TMPRSS4: variants seen among roughly 807,000 people sequenced by gnomAD.
The protein encoded by TMPRSS4 is transmembrane serine protease 4.
TMPRSS4 carries 45 observed loss-of-function variants against 56.4 expected under a neutral mutation model. The observed-to-expected ratio is 0.80, with a 90% CI of 0.63 to 1.02. The LOEUF is 1.02. Among genes scored for constraint, TMPRSS4 ranks in the 50% least tolerant of loss-of-function variants. TMPRSS4 has a pLI of 0.00. For missense variants in TMPRSS4, 546 were observed against 556.7 expected (o/e 0.98, Z 0.19); for synonymous variants, 205 against 211.0 (o/e 0.97, Z 0.25).
At chr11:118,117,234 G>C (rs983836421) in intron 11 of TMPRSS4, 71 bp from the exon 12 acceptor site, 19 of 1,512,664 alleles carry the variant, frequency 1.3e-5, no homozygotes, top group Non-Finnish European at 1.6e-5. Context: ...GGCCAGTTCA[G>C]GGAGCAGAGA....
At chr11:118,078,013 CAAAAAAAAAAAAAAAAAA>C (rs148383275) in intron 1 of TMPRSS4, among the ~76,000 whole-genome samples, 2 of 71,050 alleles carry the variant, frequency 2.8e-5, no homozygotes, top group Non-Finnish European at 5.0e-5. Flanking sequence ...AACTCCGTCT[CAAAAAAAAAAAAAAAAAA>C]AAAAAAAAAA....
rs1020119533 is a variant in TMPRSS4 at position 118,100,504 on chromosome 11, C to T, written c.157+1406C>T. On this transcript the variant is annotated intron_variant, in intron 3 of 12. Coordinates refer to ENST00000437212, the MANE Select transcript of TMPRSS4 (RefSeq NM_019894.4). ...CAGGGACAAAGCTGCGACAGAACCC[C>T]GGTCCCCTGATTGAACAGGTCCATT... Among the ~76,000 whole-genome samples the T allele has an allele frequency of 4.6e-5, 7 of 152,142 alleles. No individual in the cohort carries two copies. In the South Asian group the frequency reaches 6.2e-4, roughly 14 times the overall value.
chr11:118,091,796 T>C (rs995767211), intron 1 of TMPRSS4, among the ~76,000 whole-genome samples: 2 of 152,156 alleles, frequency 1.3e-5, no homozygotes, highest in African/African-American at 4.8e-5. Context: ...GCCAGTTGGG[T>C]GTGAATTACT....
chr11:118,095,677 C>A (rs144656574), intron 2 of TMPRSS4, among the ~76,000 whole-genome samples: 1 of 152,128 alleles, frequency 6.6e-6, no homozygotes, highest in Admixed American at 6.5e-5. Context: ...GCTCGAGGAC[C>A]AGGGAGTGAA....
rs922425446 is a variant in TMPRSS4, at chr11:118,104,894, T to C, written c.440+74T>C. The C allele has an allele frequency of 3.3e-5, 47 of 1,440,582 alleles. No individual in the cohort carries two copies. The African/African-American group carries it at 6.8e-4, about 21-fold the overall frequency. 89.2% of individuals were successfully genotyped at this position (1,440,582 alleles called of 1,614,324 possible). On this transcript the variant is annotated intron_variant, in intron 5 of 12. Transcript: ENST00000437212. ...TCTTCCTCCTTTCCTTCCTCCCTTC[T>C]TCTCTCTTTCCTAAAAATTACGGGC... is the stretch of plus-strand genomic sequence containing the variant.
intron 1 of TMPRSS4, among the ~76,000 whole-genome samples, chr11:118,093,535 T>A (rs1169916074): frequency 1.3e-5 from 2 of 152,198 alleles, no homozygotes; most frequent in Non-Finnish European, 2.9e-5. Flanking sequence ...GGCTCCTCCA[T>A]GTGACTCTGT....
intron 1 of TMPRSS4, among the ~76,000 whole-genome samples, chr11:118,084,790 C>G (rs986405321): frequency 6.6e-6 from 1 of 152,244 alleles, no homozygotes. Flanking sequence ...AAGTCATATT[C>G]TCCCCATTTT....
intron 1 of TMPRSS4, among the ~76,000 whole-genome samples, chr11:118,079,671 C>G (rs117845402): frequency 0.016 from 2,484 of 152,338 alleles, 101 homozygotes; most frequent in East Asian, 0.11. Context: ...CTGGAGGAAG[C>G]TGGTCCTCCC....
rs1037577394 is a variant in TMPRSS4 at position 118,119,857 on chromosome 11, T to C, written c.*1944T>C. ...CACATTTTAAAATCATGTTTAACTG[T>C]GGTCAAATGCACATAACACAAGTTG... is the stretch of plus-strand genomic sequence containing the variant. On this transcript the variant is annotated 3_prime_UTR_variant, in exon 13 of 13. Coordinates refer to ENST00000437212, the MANE Select transcript of TMPRSS4 (RefSeq NM_019894.4). The C allele has an allele frequency of 2.0e-5, 3 of 152,234 alleles. No homozygotes were observed. Among genetic ancestry groups the C allele is most frequent in the African/African-American group, 7.2e-5 (3 of 41,456 alleles). 9.4% of individuals were successfully genotyped at this position (152,234 alleles called of 1,614,324 possible). A position where few individuals can be genotyped will look rare whatever the true frequency, so the allele number is the denominator to read the frequency against.
intron 1 of TMPRSS4, among the ~76,000 whole-genome samples, chr11:118,092,621 T>C (rs1284373063): frequency 4.6e-5 from 7 of 152,228 alleles, no homozygotes. Context: ...TCCTAAACCA[T>C]AATTTCTAAT....
chr11:118,097,083 C>G (rs9651685), intron 2 of TMPRSS4, among the ~76,000 whole-genome samples: 1 of 137,476 alleles, frequency 7.3e-6, no homozygotes, highest in African/African-American at 2.8e-5. Flanking sequence ...GTAGAAGGGA[C>G]GTACTTAAGA....
intron 1 of TMPRSS4, among the ~76,000 whole-genome samples, chr11:118,079,063 G>T (rs1192389954): frequency 6.6e-6 from 1 of 152,136 alleles, no homozygotes; most frequent in Non-Finnish European, 1.5e-5. Context: ...GAGCGGGGGA[G>T]GGCAGGTGGG....
chr11:118,101,012 T>C (rs1946703747), intron 3 of TMPRSS4, among the ~76,000 whole-genome samples: 1 of 152,130 alleles, frequency 6.6e-6, no homozygotes, highest in South Asian at 2.1e-4. Flanking sequence ...TTACCCTGGC[T>C]CCTGATTATA....
At chr11:118,105,133 T>A (rs74403212) in intron 5 of TMPRSS4, among the ~76,000 whole-genome samples, 1,731 of 152,312 alleles carry the variant, frequency 0.011, 26 homozygotes, top group African/African-American at 0.039. Flanking sequence ...TCCTTTCCTT[T>A]ACTCCTCAAC....
chr11:118,103,392 G>GTTTGTTTGT, intron 4 of TMPRSS4, 139 bp downstream of exon 4: 7 of 1,154,612 alleles, frequency 6.1e-6, no homozygotes, highest in Admixed American at 2.9e-5. Context: ...TTGTTTGTTT[G>GTTTGTTTGT]TTGTTGTTTT....
At chr11:118,096,923 G>GAGAGA (rs1491244125) in intron 2 of TMPRSS4, among the ~76,000 whole-genome samples, 2 of 19,096 alleles carry the variant, frequency 1.0e-4, no homozygotes, top group African/African-American at 3.0e-4. Flanking sequence ...GAGAGAGAAA[G>GAGAGA]GAAAGAAAGA....
intron 1 of TMPRSS4, among the ~76,000 whole-genome samples, chr11:118,090,264 T>C (rs912757785): frequency 6.6e-6 from 1 of 152,258 alleles, no homozygotes; most frequent in Non-Finnish European, 1.5e-5. Flanking sequence ...CAAACTGAGA[T>C]ATTTTCATTA....
At chr11:118,107,509 G>A (rs1947053850) in intron 5 of TMPRSS4, 2 of 343,468 alleles carry the variant, frequency 5.8e-6, no homozygotes, top group African/African-American at 4.1e-5. Context: ...CAGGGCTCTG[G>A]GTTCTGGATT....
At chr11:118,078,089 T>G (rs1049019815) in intron 1 of TMPRSS4, among the ~76,000 whole-genome samples, 7 of 147,282 alleles carry the variant, frequency 4.8e-5, no homozygotes, top group African/African-American at 1.7e-4. Flanking sequence ...CCAAACAATC[T>G]AGGGTGTTTG....
Sources: allele counts gnomAD v4.1 joint callset (sites outside exome capture counted in the v4.1 genomes callset), GRCh38; gene constraint gnomAD v4.1.1; transcripts MANE v1.5; gene names NCBI Gene and HGNC (gene_info 2026-07-23, HGNC 2026-07-21).